Variants in KANSL3 observed in about 807,000 individuals in gnomAD.
KANSL3 encodes the protein KAT8 regulatory NSL complex subunit 3, also known as NSL complex protein NSL3.
KANSL3 carries 16 observed loss-of-function variants against 89.2 expected under a neutral mutation model. The observed-to-expected ratio is 0.18, with a 90% CI of 0.12 to 0.27. The LOEUF is 0.27. Among genes scored for constraint, KANSL3 ranks in the 10% least tolerant of loss-of-function variants. The probability of loss-of-function intolerance (pLI) is 1.00; values close to 1 mark genes in which losing one functional copy is unlikely to be tolerated. For missense variants in KANSL3, 879 were observed against 1,110.6 expected (o/e 0.79, Z 2.96); for synonymous variants, 385 against 419.7 (o/e 0.92, Z 1.01).
chr2:96,623,625 T>C (rs2071734548), intron 3 of KANSL3, among the ~76,000 whole-genome samples: 1 of 152,216 alleles, frequency 6.6e-6, no homozygotes, highest in African/African-American at 2.4e-5. Flanking sequence ...TCTCCAGTTT[T>C]ACAACTTAAC....
At chr2:96,608,768 T>C (rs943858021) in intron 13 of KANSL3, 96 bp downstream of exon 13, 1 of 1,553,564 alleles carries the variant, frequency 6.4e-7, no homozygotes, top group African/African-American at 1.4e-5. Context: ...CACAGGCCCA[T>C]GGCACTAATA....
chr2:96,594,539 A>C lies in KANSL3; in HGVS notation c.*1072T>G, dbSNP rs1420447008. 1 of 152,226 alleles carries C rather than the reference A, an allele frequency of 6.6e-6. No homozygotes were observed. Among genetic ancestry groups the C allele is most frequent in the Non-Finnish European group, 1.5e-5 (1 of 68,072 alleles). 9.4% of individuals were successfully genotyped at this position (152,226 alleles called of 1,614,324 possible). On this transcript the variant is annotated 3_prime_UTR_variant, in exon 21 of 21. Transcript: ENST00000431828. ...AGGAAGACAAAAAGTCTCATGAAAT[A>C]GAAACGAAAACACTGAAGCATGGCC...
At position 96,611,133 on chromosome 2, in the gene KANSL3, T is replaced by G; in HGVS notation, c.1092A>C (p.Ser364=). ...CAACTGCAGTGACATACTCCATTAC[T>G]GACACCTGTAAATAACAGAACAGTT... is the stretch of plus-strand genomic sequence containing the variant. ...NTGALVACHV[S]VMEYVTAVVC... The change falls in exon 10 of 21, where the codon TCA becomes TCC. Residue 364 remains serine, a synonymous_variant. Transcript: ENST00000431828. 9.9e-6 allele frequency: 16 copies of G among 1,613,676 alleles called. No individual in the cohort carries two copies. Among genetic ancestry groups the G allele is most frequent in the Non-Finnish European group, 1.4e-5 (16 of 1,179,554 alleles).
At chr2:96,615,385 G>C (rs1200171680) in intron 5 of KANSL3, 1 of 404,332 alleles carries the variant, frequency 2.5e-6, no homozygotes, top group Admixed American at 4.0e-5. Context: ...TATATATCCT[G>C]CTATACTATA....
chr2:96,631,540 T>C (rs755544440), intron 2 of KANSL3, 58 bp from the exon 3 acceptor site: 144 of 1,547,924 alleles, frequency 9.3e-5, no homozygotes, highest in Middle Eastern at 3.3e-4. Flanking sequence ...TATTTAACAA[T>C]CATCTGGTTG....
chr2:96,584,077 CT>C, the KANSL3 span, among the ~76,000 whole-genome samples: 2 of 152,182 alleles, frequency 1.3e-5, no homozygotes, highest in Non-Finnish European at 2.9e-5. Context: ...TGTAGTAATT[CT>C]TTTATGTATT....
At chr2:96,637,553 C>T (rs2074420526) in intron 1 of KANSL3, among the ~76,000 whole-genome samples, 1 of 152,110 alleles carries the variant, frequency 6.6e-6, no homozygotes, top group Non-Finnish European at 1.5e-5. Context: ...AATATGAATT[C>T]GTTGAAAGCT....
intron 6 of KANSL3, among the ~76,000 whole-genome samples, chr2:96,613,188 G>A (rs1211603243): frequency 2.6e-5 from 4 of 152,102 alleles, no homozygotes; most frequent in Non-Finnish European, 4.4e-5. Flanking sequence ...AGACCAGCCT[G>A]GCCAACATGG....
chr2:96,608,771 C>A, intron 13 of KANSL3, 93 bp downstream of exon 13: 1 of 1,547,834 alleles, frequency 6.5e-7, no homozygotes, highest in South Asian at 1.2e-5. Context: ...AGGCCCATGG[C>A]ACTAATAAGA....
intron 20 of KANSL3, chr2:96,600,730 T>C: frequency 1.0e-6 from 1 of 985,426 alleles, no homozygotes; most frequent in Non-Finnish European, 1.2e-6. Context: ...AGATTAGAAA[T>C]ATTTGACTTG....
intron 2 of KANSL3, among the ~76,000 whole-genome samples, chr2:96,632,950 A>G (rs191926478): frequency 5.8e-4 from 84 of 144,438 alleles, no homozygotes; most frequent in Admixed American, 1.2e-3. Flanking sequence ...TGGGAGACAG[A>G]GCGAGACTCC....
chr2:96,633,934 C>T (rs2073882035), intron 2 of KANSL3, among the ~76,000 whole-genome samples: 1 of 152,202 alleles, frequency 6.6e-6, no homozygotes, highest in African/African-American at 2.4e-5. Context: ...TCAACAGATA[C>T]ACGTGGCGGC....
At chr2:96,584,091 G>A in the KANSL3 span, among the ~76,000 whole-genome samples, 1 of 152,212 alleles carries the variant, frequency 6.6e-6, no homozygotes, top group African/African-American at 2.4e-5. Flanking sequence ...TATGTATTCT[G>A]GTTATATGTG....
chr2:96,627,406 G>C (rs2072547241), intron 3 of KANSL3, among the ~76,000 whole-genome samples: 1 of 152,034 alleles, frequency 6.6e-6, no homozygotes, highest in African/African-American at 2.4e-5. Flanking sequence ...GTAGAGACGG[G>C]GTTTCACTAT....
At chr2:96,583,747 CG>C in the KANSL3 span, among the ~76,000 whole-genome samples, 1 of 152,134 alleles carries the variant, frequency 6.6e-6, no homozygotes, top group African/African-American at 2.4e-5. Flanking sequence ...CTTTTGTGGA[CG>C]TAAGTTATCA....
At chr2:96,600,311 A>G (rs1446063014) in intron 20 of KANSL3, 1 of 478,652 alleles carries the variant, frequency 2.1e-6, no homozygotes, top group Non-Finnish European at 2.7e-6. Flanking sequence ...CTCTAGGAGT[A>G]GCATCATGGG....
intron 20 of KANSL3, among the ~76,000 whole-genome samples, chr2:96,596,418 T>G (rs146443726): frequency 1.2e-4 from 18 of 152,300 alleles, no homozygotes; most frequent in Admixed American, 1.2e-3. Flanking sequence ...GTGAGCATAG[T>G]GCTGCATGCC....
the KANSL3 span, among the ~76,000 whole-genome samples, chr2:96,583,399 C>T: frequency 2.0e-5 from 3 of 152,296 alleles, no homozygotes; most frequent in South Asian, 6.2e-4. Flanking sequence ...AACATTTCCC[C>T]CCGACGGAAA....
At chr2:96,609,180 A>G in intron 12 of KANSL3, 116 bp from the exon 13 acceptor site, 1 of 944,944 alleles carries the variant, frequency 1.1e-6, no homozygotes, top group Non-Finnish European at 1.6e-6. Context: ...CGCATGTGCC[A>G]GTCCTTCCCC....
Sources: gnomAD v4.1 joint callset for allele counts (sites outside exome capture counted in the v4.1 genomes callset) on GRCh38, gnomAD v4.1.1 for gene constraint, MANE v1.5 for transcripts, NCBI Gene and HGNC (gene_info 2026-07-23, HGNC 2026-07-21) for gene names.